Variants in EYS observed in about 807,000 individuals in gnomAD.
The protein encoded by EYS is protein eyes shut homolog.
Under a neutral mutation model 282.1 loss-of-function variants are expected in EYS, and 250 were observed. That is an observed-to-expected ratio of 0.89 (90% CI 0.80 to 0.98). EYS has a LOEUF of 0.98. Ranked by LOEUF, EYS falls within the 50% of genes least tolerant of loss-of-function variation. EYS has a pLI of 0.00. For missense variants in EYS, 4,016 were observed against 3,709.0 expected, an observed-to-expected ratio of 1.08 and a Z score of -2.15; for synonymous variants, 1,355 against 1,282.9, an observed-to-expected ratio of 1.06 and a Z score of -1.20.
intron 19 of EYS, among the ~76,000 whole-genome samples, chr6:64,882,191 G>T (rs11963602): frequency 0.015 from 2,285 of 151,696 alleles, 74 homozygotes; most frequent in African/African-American, 0.053. Context: ...TCTCCATTGC[G>T]TCCAGATTAA....
chr6:64,494,453 T>G (rs1776832224), intron 26 of EYS, among the ~76,000 whole-genome samples: 2 of 151,698 alleles, frequency 1.3e-5, no homozygotes, highest in Admixed American at 1.3e-4. Flanking sequence ...TGTGTACAGT[T>G]GTTTGTTTCT....
chr6:63,726,769 T>G (rs1332694125), intron 41 of EYS, 89 bp from the exon 42 acceptor site: 10 of 1,226,212 alleles, frequency 8.2e-6, no homozygotes, highest in African/African-American at 1.5e-5. Flanking sequence ...TTATGTAATT[T>G]TGTAATTTCA....
At chr6:64,489,894 C>G (rs1003468668) in intron 26 of EYS, among the ~76,000 whole-genome samples, 19 of 150,650 alleles carry the variant, frequency 1.3e-4, no homozygotes, top group Non-Finnish European at 2.7e-4. Flanking sequence ...CATGATTAAT[C>G]TTTAGAGGAC....
At position 65,021,445 on chromosome 6, in the gene EYS, G is replaced by A. The variant is rs138048879; in HGVS notation, c.2138-23742C>T. Among the ~76,000 whole-genome samples, 74 of 152,224 alleles carry A rather than the reference G, an allele frequency of 4.9e-4. 1 individual carries two copies. In the East Asian group the frequency reaches 0.011, roughly 23 times the overall value. On this transcript the variant is annotated intron_variant, in intron 13 of 42. Transcript: ENST00000503581. ...AGACCACCTCAGCCTCAACTTTATT[G>A]TCCATATCACTATCAGCATTTTGGT... is the stretch of plus-strand genomic sequence containing the variant.
At chr6:63,765,303 A>G (rs1229962240) in intron 40 of EYS, among the ~76,000 whole-genome samples, 1 of 151,984 alleles carries the variant, frequency 6.6e-6, no homozygotes, top group Non-Finnish European at 1.5e-5. Flanking sequence ...CAATTTTAAT[A>G]AAATGGGACA....
At chr6:65,218,245 T>C (rs1766365935) in intron 12 of EYS, among the ~76,000 whole-genome samples, 1 of 152,136 alleles carries the variant, frequency 6.6e-6, no homozygotes. Context: ...TTCTGACTTT[T>C]GTATTTAATT....
chr6:63,937,567 G>C (rs1244114564), intron 35 of EYS, among the ~76,000 whole-genome samples: 1 of 150,932 alleles, frequency 6.6e-6, no homozygotes, highest in African/African-American at 2.4e-5. Flanking sequence ...ATTTTTAGTA[G>C]AGACGGGGTT....
intron 12 of EYS, among the ~76,000 whole-genome samples, chr6:65,176,968 T>C (rs1190985808): frequency 6.6e-6 from 1 of 151,712 alleles, no homozygotes; most frequent in African/African-American, 2.4e-5. Context: ...CATTATCATA[T>C]ACCTTTGTAT....
chr6:63,877,192 T>C (rs1011814513), intron 35 of EYS, among the ~76,000 whole-genome samples: 3 of 152,228 alleles, frequency 2.0e-5, no homozygotes, highest in African/African-American at 7.2e-5. Flanking sequence ...CAGCATTTGC[T>C]TGTCTGTAAA....
chr6:64,585,238 G>A (rs751378130), intron 26 of EYS, among the ~76,000 whole-genome samples: 4 of 152,084 alleles, frequency 2.6e-5, no homozygotes, highest in Non-Finnish European at 4.4e-5. Context: ...AATACTAGAT[G>A]TTCTCATGTG....
rs566024107 is a variant in EYS, at chr6:64,799,860, C to T, written c.3443+13518G>A. ...TAATCTGCAGTTTCTTTAGAGTAAG[C>T]AAAGTGAATGTCTATTTCTACAGAA... On this transcript the variant is annotated intron_variant, in intron 22 of 42. Transcript: ENST00000503581. 1.2e-4 allele frequency among the ~76,000 whole-genome samples: 18 copies of T among 151,846 alleles called. No individual in the cohort carries two copies. In the East Asian group the frequency reaches 3.3e-3, roughly 28 times the overall value.
intron 29 of EYS, among the ~76,000 whole-genome samples, chr6:64,357,197 A>T (rs1771850900): frequency 6.6e-6 from 1 of 151,672 alleles, no homozygotes; most frequent in African/African-American, 2.4e-5. Flanking sequence ...GATAATATGA[A>T]TTCAGACTCT....
At chr6:64,258,470 C>T (rs1767477904) in intron 30 of EYS, among the ~76,000 whole-genome samples, 1 of 151,926 alleles carries the variant, frequency 6.6e-6, no homozygotes, top group Non-Finnish European at 1.5e-5. Flanking sequence ...CATGTTAGCT[C>T]AGAGGATAAA....
chr6:64,071,063 A>G (rs1771556554), intron 32 of EYS, among the ~76,000 whole-genome samples: 1 of 152,004 alleles, frequency 6.6e-6, no homozygotes, highest in East Asian at 1.9e-4. Flanking sequence ...TTATTGCTCA[A>G]CATTAATTAA....
chr6:64,891,575 T>A (rs1446995222), intron 18 of EYS, among the ~76,000 whole-genome samples: 1 of 152,104 alleles, frequency 6.6e-6, no homozygotes, highest in African/African-American at 2.4e-5. Flanking sequence ...CCTCTGGCTA[T>A]AGTGTGCAAT....
In EYS at chr6:65,629,987, C is replaced by T. The variant is rs556581565; in HGVS notation, c.-333+9791G>A. Among the ~76,000 whole-genome samples the T allele has an allele frequency of 3.2e-3, 491 of 152,288 alleles. 1 individual carries two copies. The highest frequency in any genetic ancestry group is 7.5e-3 in the Admixed American group (115 of 15,292). On this transcript the variant is annotated intron_variant, in intron 2 of 42. Transcript: ENST00000503581. ...AGAAGGATAATAGAAAGTTAAAGAA[C>T]TCCCAAAGGTCAATCCCATGGATGA...
intron 13 of EYS, among the ~76,000 whole-genome samples, chr6:65,038,116 T>C (rs935255176): frequency 4.0e-5 from 6 of 151,558 alleles, no homozygotes; most frequent in African/African-American, 1.2e-4. Context: ...AAGAAAACAA[T>C]TTATCATCCT....
chr6:64,322,418 A>G (rs1770247875), intron 29 of EYS, among the ~76,000 whole-genome samples: 1 of 152,046 alleles, frequency 6.6e-6, no homozygotes, highest in Non-Finnish European at 1.5e-5. Context: ...CTTGTTGGAG[A>G]CCAAGTCTCT....
chr6:63,859,845 G>A (rs188464761), intron 36 of EYS, among the ~76,000 whole-genome samples: 4 of 152,140 alleles, frequency 2.6e-5, no homozygotes, highest in East Asian at 1.9e-4. Context: ...ATATCAACAA[G>A]GTAGGAAATG....
Sources: allele counts gnomAD v4.1 joint callset (sites outside exome capture counted in the v4.1 genomes callset), GRCh38; gene constraint gnomAD v4.1.1; transcripts MANE v1.5; gene names NCBI Gene and HGNC (gene_info 2026-07-23, HGNC 2026-07-21).